MICOS10: variants seen among roughly 807,000 people sequenced by gnomAD.
MICOS10 encodes MICOS complex subunit MIC10.
In MICOS10, 5 loss-of-function variants were observed where a neutral mutation model predicts 13.4. That is an observed-to-expected ratio of 0.37 (90% confidence interval 0.20 to 0.78). The LOEUF (loss-of-function observed/expected upper bound fraction) is 0.78, where lower values mean the gene tolerates loss of function less well. Ranked by LOEUF, MICOS10 falls within the 30% of genes least tolerant of loss-of-function variation. The pLI, the probability that MICOS10 is intolerant of heterozygous loss-of-function variation, is 0.47. For synonymous variants in MICOS10, 35 were observed against 33.6 expected, an observed-to-expected ratio of 1.04 and a Z score of -0.15; for missense variants, 101 against 94.6, an observed-to-expected ratio of 1.07 and a Z score of -0.28.
chr1:19,619,977 T>C (rs1257848223), intron 1 of MICOS10, among the ~76,000 whole-genome samples: 1 of 152,254 alleles, frequency 6.6e-6, no homozygotes, highest in Non-Finnish European at 1.5e-5. Flanking sequence ...TTATTTGTCA[T>C]GTCAGACAGC....
intron 1 of MICOS10, among the ~76,000 whole-genome samples, chr1:19,599,745 G>A (rs1352337219): frequency 6.6e-6 from 1 of 152,208 alleles, no homozygotes; most frequent in Non-Finnish European, 1.5e-5. Flanking sequence ...AAGTGGAGGA[G>A]CTGGGATTAG....
intron 2 of MICOS10, 98 bp from the exon 3 acceptor site, chr1:19,623,376 A>C (rs1265734981): frequency 1.4e-5 from 10 of 728,398 alleles, no homozygotes; most frequent in Non-Finnish European, 2.4e-5. Context: ...TGCACGTTGA[A>C]TATTTATTGA....
At chr1:19,622,238 A>G (rs1170268104) in intron 2 of MICOS10, 91 bp downstream of exon 2, 2 of 1,042,436 alleles carry the variant, frequency 1.9e-6, no homozygotes, top group Non-Finnish European at 2.8e-6. Flanking sequence ...GAACCCATCA[A>G]TTTGTGGGTT....
Position 19,596,980 on chromosome 1 carries a change from C to G in MICOS10, c.-66C>G. The G allele has an allele frequency of 5.3e-6, 8 of 1,508,146 alleles. No individual in the cohort carries two copies. The highest frequency in any genetic ancestry group is 1.5e-5 in the African/African-American group (1 of 68,690). The allele number at this position is 1,508,146 out of a possible 1,614,324, so 93.4% of individuals were successfully genotyped here. A position where few individuals can be genotyped will look rare whatever the true frequency, so the allele number is the denominator to read the frequency against. ...ACCTGGGACTTGTTTCCAGCTCTCG[C>G]GAGACTTTCAGGGGTCGGAGCGCGG... On this transcript the variant is annotated 5_prime_UTR_variant, in exon 1 of 4. Coordinates refer to ENST00000322753, the MANE Select transcript of MICOS10 (RefSeq NM_001032363.4).
intron 3 of MICOS10, chr1:19,625,588 G>T (rs1298598131): frequency 7.8e-7 from 1 of 1,289,350 alleles, no homozygotes. Context: ...TGGCATCAGA[G>T]CTGATTGTGG....
intron 1 of MICOS10, among the ~76,000 whole-genome samples, chr1:19,614,040 G>A (rs1236676982): frequency 6.6e-6 from 1 of 152,012 alleles, no homozygotes; most frequent in Non-Finnish European, 1.5e-5. Flanking sequence ...AGAAAACAAT[G>A]TAGATGTTTT....
chr1:19,597,068 G>A lies in MICOS10; in HGVS notation c.23G>A (p.Arg8Lys), dbSNP rs770774064. The part of the protein sequence containing the change: MSESELG[R>K]KWDRCLADAV... ...AACATGTCTGAGTCGGAGCTCGGCA[G>A]GAAGTGGGACCGGTGTCTGGCGGAT... is the stretch of plus-strand genomic sequence containing the variant. The change falls in exon 1 of 4, where the codon AGG (arginine) becomes AAG (lysine). Residue 8 changes from arginine to lysine, a missense_variant. Coordinates refer to ENST00000322753, the MANE Select transcript of MICOS10 (RefSeq NM_001032363.4). 12 of 1,595,380 alleles carry A rather than the reference G, an allele frequency of 7.5e-6. No homozygotes were observed. The highest frequency in any genetic ancestry group is 1.0e-5 in the Non-Finnish European group (12 of 1,173,094).
intron 1 of MICOS10, among the ~76,000 whole-genome samples, chr1:19,620,592 A>G (rs910360225): frequency 6.6e-6 from 1 of 152,228 alleles, no homozygotes; most frequent in Non-Finnish European, 1.5e-5. Flanking sequence ...ACATTCTTTG[A>G]TAACTCCTTT....
At chr1:19,603,598 G>A (rs2094824211) in intron 1 of MICOS10, among the ~76,000 whole-genome samples, 1 of 152,206 alleles carries the variant, frequency 6.6e-6, no homozygotes, top group Non-Finnish European at 1.5e-5. Flanking sequence ...AAAATTGGCT[G>A]TGTCCCTTTT....
chr1:19,620,283 T>C (rs1392843948), intron 1 of MICOS10, among the ~76,000 whole-genome samples: 1 of 152,238 alleles, frequency 6.6e-6, no homozygotes. Flanking sequence ...GCTGCAGAGT[T>C]GGTGTCCCCC....
At chr1:19,608,416 A>G (rs1001128239) in intron 1 of MICOS10, 9 of 1,263,948 alleles carry the variant, frequency 7.1e-6, no homozygotes, top group Non-Finnish European at 9.3e-6. Context: ...GGGCCACAGG[A>G]GGAAATAGGA....
At chr1:19,620,055 A>C (rs1280202818) in intron 1 of MICOS10, among the ~76,000 whole-genome samples, 1 of 152,202 alleles carries the variant, frequency 6.6e-6, no homozygotes. Flanking sequence ...ATTGTTAAAT[A>C]TTTGCTTCCA....
chr1:19,600,651 G>C (rs1352346510), intron 1 of MICOS10: 4 of 321,926 alleles, frequency 1.2e-5, no homozygotes, highest in Non-Finnish European at 2.5e-5. Flanking sequence ...ACCCAGTCTG[G>C]AGTGCAGTGG....
intron 1 of MICOS10, among the ~76,000 whole-genome samples, chr1:19,615,962 G>C (rs991000978): frequency 6.6e-6 from 1 of 151,756 alleles, no homozygotes. Flanking sequence ...CTGTCGCCCA[G>C]GCTGGAGTGC....
intron 1 of MICOS10, among the ~76,000 whole-genome samples, chr1:19,608,951 G>T (rs2094847089): frequency 7.1e-6 from 1 of 141,538 alleles, no homozygotes; most frequent in South Asian, 2.3e-4. Flanking sequence ...CTGCCCCAGT[G>T]TCCGAAAATT....
chr1:19,625,889 C>G (rs1036005827), intron 3 of MICOS10, among the ~76,000 whole-genome samples: 4 of 152,188 alleles, frequency 2.6e-5, no homozygotes, highest in African/African-American at 9.6e-5. Context: ...CAGTGTAGTC[C>G]TATTGTAATA....
intron 1 of MICOS10, among the ~76,000 whole-genome samples, chr1:19,618,112 C>CTT (rs113033580): frequency 2.1e-4 from 29 of 138,242 alleles, no homozygotes; most frequent in African/African-American, 4.6e-4. Context: ...TTATACTACA[C>CTT]TTTTTTTTTT....
chr1:19,611,261 A>T (rs1412281677), intron 1 of MICOS10, among the ~76,000 whole-genome samples: 1 of 151,932 alleles, frequency 6.6e-6, no homozygotes, highest in Non-Finnish European at 1.5e-5. Context: ...CAAAATTTTT[A>T]ATTTCTTTAC....
Position 19,614,415 on chromosome 1 carries a change from C to A in MICOS10, c.65-7685C>A, listed in dbSNP as rs72656067. 604 of 151,608 alleles carry A rather than the reference C, an allele frequency of 4.0e-3. 2 individuals carry two copies. Among genetic ancestry groups the A allele is most frequent in the Non-Finnish European group, 6.4e-3 (438 of 67,960 alleles). 9.4% of individuals were successfully genotyped at this position (151,608 alleles called of 1,614,324 possible). ...ACACACACTCTCACACACACACTTT[C>A]ACACACACACATTCACTCTCCTCTC... On this transcript the variant is annotated intron_variant, in intron 1 of 3. Coordinates refer to ENST00000322753, the MANE Select transcript of MICOS10 (RefSeq NM_001032363.4).
Sources: gnomAD v4.1 joint callset for allele counts (sites outside exome capture counted in the v4.1 genomes callset) on GRCh38, gnomAD v4.1.1 for gene constraint, MANE v1.5 for transcripts, NCBI Gene and HGNC (gene_info 2026-07-23, HGNC 2026-07-21) for gene names.